The following LMO7 variants were observed in gnomAD, a reference collection of about 807,000 sequenced individuals.
LMO7 encodes the protein LIM domain only protein 7.
LMO7 carries 120 observed loss-of-function variants against 206.5 expected under a neutral mutation model. The ratio of observed to expected loss-of-function variants is 0.58; its 90% CI spans 0.50 to 0.68. The LOEUF (loss-of-function observed/expected upper bound fraction) is 0.68. Ranked by LOEUF, LMO7 falls within the 30% of genes least tolerant of loss-of-function variation. The pLI is 0.00. For synonymous variants in LMO7, 706 were observed against 681.5 expected (o/e 1.04, Z -0.56); for missense variants, 1,959 against 1,957.9 (o/e 1.00, Z -0.01).
At chr13:75,774,289 T>C (rs2050107102) in intron 4 of LMO7, among the ~76,000 whole-genome samples, 1 of 152,134 alleles carries the variant, frequency 6.6e-6, no homozygotes, top group Non-Finnish European at 1.5e-5. Context: ...GAATATCATA[T>C]AAGAGGAGCA....
At position 75,800,876 on chromosome 13, in the gene LMO7, C is replaced by T. The variant is rs775510856; in HGVS notation, c.655C>T (p.Arg219Cys). Residue 219 changes from arginine to cysteine, a missense_variant, in exon 7 of 31, where the codon CGT becomes TGT. Arg to Cys is a radical substitution (Grantham distance 180). Transcript: ENST00000377534. The part of the protein sequence containing the change: ...CSSDITLRGG[R>C]EGFESDTDSE... Reference sequence around the variant, plus strand: ...CTCTGATATCACGTTGAGAGGGGGGCGTGAAGGTGTGTTGTGTTTTGGCTG... The same window carrying T: ...CTCTGATATCACGTTGAGAGGGGGGTGTGAAGGTGTGTTGTGTTTTGGCTG... The T allele has an allele frequency of 4.2e-5, 67 of 1,613,096 alleles. No individual in the cohort carries two copies. The highest frequency in any genetic ancestry group is 1.5e-4 in the Admixed American group (9 of 59,954).
chr13:75,678,191 A>G (rs1285669075), intron 1 of LMO7, among the ~76,000 whole-genome samples: 1 of 152,106 alleles, frequency 6.6e-6, no homozygotes, highest in Non-Finnish European at 1.5e-5. Context: ...TGATATTTCT[A>G]GTTCTAGATC....
chr13:75,755,084 G>C (rs2047574356), intron 3 of LMO7, among the ~76,000 whole-genome samples: 1 of 152,080 alleles, frequency 6.6e-6, no homozygotes, highest in African/African-American at 2.4e-5. Context: ...AAGGGTCAGG[G>C]GAGTGGTAGC....
At chr13:75,679,537 G>A (rs186452328) in intron 1 of LMO7, among the ~76,000 whole-genome samples, 1 of 152,258 alleles carries the variant, frequency 6.6e-6, no homozygotes, top group Non-Finnish European at 1.5e-5. Flanking sequence ...CAGATTCCTG[G>A]CTCCTACCCT....
rs115818022 is a variant in LMO7, at chr13:75,719,366, C to T, written c.140+6114C>T. 6.2e-3 allele frequency among the ~76,000 whole-genome samples: 945 copies of T among 152,246 alleles called. 12 individuals carry two copies. Among genetic ancestry groups the T allele is most frequent in the African/African-American group, 0.02 (851 of 41,536 alleles). ...TTCATTCATCAAATGAAGGCCATCT[C>T]GGTTGCTTCTCAGTTATGGCAATTA... On this transcript the variant is annotated intron_variant, in intron 2 of 30. Transcript: ENST00000377534.
At chr13:75,751,149 C>CTTTTTTTTTTTTTTTT (rs57976279) in intron 3 of LMO7, among the ~76,000 whole-genome samples, 2 of 60,390 alleles carry the variant, frequency 3.3e-5, no homozygotes, top group African/African-American at 1.3e-4. Flanking sequence ...TTTTTCAGCT[C>CTTTTTTTTTTTTTTTT]TTTTTTTTTT....
In LMO7 at chr13:75,811,212, T is replaced by C. The variant is rs571643230; in HGVS notation, c.1946+2029T>C. On this transcript the variant is annotated intron_variant, in intron 11 of 30. Transcript: ENST00000377534. ...TTTCTTTCTTTTTTTCTTTCTCTTT[T>C]TTTTTTTTTTTTTTAAGAGATGGAG... Among the ~76,000 whole-genome samples, 67 of 149,322 alleles carry C rather than the reference T, an allele frequency of 4.5e-4. 1 individual carries two copies. In the South Asian group the frequency reaches 0.012, roughly 27 times the overall value.
In LMO7 at chr13:75,807,904, G is replaced by A; in HGVS notation, c.1621G>A (p.Val541Ile). ...TGGGGCCCCAGATAGATACCACCCAGTCCCTTTTCCCGAACCCTGGACTCT... is the reference window on the plus strand; with the variant it reads ...TGGGGCCCCAGATAGATACCACCCAATCCCTTTTCCCGAACCCTGGACTCT... ...LSGAPDRYHP[V>I]PFPEPWTLPP... is the part of the protein sequence containing the mutation. The change falls in exon 10 of 31, where the codon GTC (valine) becomes ATC (isoleucine). Residue 541 changes from valine (V) to isoleucine (I), a missense_variant. Val to Ile is a conservative substitution (Grantham distance 29). Transcript: ENST00000377534. 5 of 1,613,926 alleles carry A rather than the reference G, an allele frequency of 3.1e-6. No individual in the cohort carries two copies. The highest frequency in any genetic ancestry group is 4.2e-6 in the Non-Finnish European group (5 of 1,179,872).
intron 1 of LMO7, among the ~76,000 whole-genome samples, chr13:75,665,668 A>G (rs2039014988): frequency 1.3e-5 from 2 of 152,120 alleles, no homozygotes; most frequent in African/African-American, 4.8e-5. Context: ...CTGGGATTAC[A>G]GGCATCTGCC....
At position 75,796,732 on chromosome 13, in the gene LMO7, G is replaced by A. The variant is rs189733125; in HGVS notation, c.445G>A (p.Gly149Arg). ...TTTGAAAGCGTTTGAGAATCTTTTA[G>A]GACAAGCACTGACGAAGGTAAGTAA... ...LNLKAFENLL[G>R]QALTKALEDS... is the part of the protein sequence containing the mutation. The change falls in exon 6 of 31, where the codon GGA (glycine) becomes AGA (arginine). Residue 149 changes from glycine (G) to arginine (R), a missense_variant. Physicochemically the swap from Gly to Arg is moderately radical, Grantham distance 125 (BLOSUM62 -2). Coordinates refer to ENST00000377534, the MANE Select transcript of LMO7 (RefSeq NM_001306080.2). The A allele has an allele frequency of 2.5e-6, 4 of 1,607,258 alleles. No individual in the cohort carries two copies. In the Admixed American group the frequency reaches 6.7e-5, roughly 27 times the overall value.
chr13:75,816,118 G>A lies in LMO7; in HGVS notation c.1947-1043G>A, dbSNP rs571116837. On this transcript the variant is annotated intron_variant, in intron 11 of 30. Coordinates refer to ENST00000377534, the MANE Select transcript of LMO7 (RefSeq NM_001306080.2). ...ACTGGTTCCTTAATTATGGCACTGGGAATAGTTTAGAAATTACAATTCCAT... is the reference window on the plus strand; with the variant it reads ...ACTGGTTCCTTAATTATGGCACTGGAAATAGTTTAGAAATTACAATTCCAT... 7.2e-5 allele frequency among the ~76,000 whole-genome samples: 11 copies of A among 152,312 alleles called. No individual in the cohort carries two copies. The South Asian group carries it at 2.3e-3, about 32-fold the overall frequency.
intron 4 of LMO7, among the ~76,000 whole-genome samples, chr13:75,774,552 T>A (rs898555841): frequency 2.0e-5 from 3 of 152,180 alleles, no homozygotes; most frequent in Non-Finnish European, 4.4e-5. Context: ...ATTTAGTCAT[T>A]CTACTTAGTG....
At position 75,823,593 on chromosome 13, in the gene LMO7, A is replaced by T. The variant is rs1305021734; in HGVS notation, c.2669A>T (p.Asp890Val). 3 of 1,613,530 alleles carry T rather than the reference A, an allele frequency of 1.9e-6. No individual in the cohort carries two copies. The highest frequency in any genetic ancestry group is 2.5e-6 in the Non-Finnish European group (3 of 1,179,466). ...GATGATGCTTGGAAGTATAATGGAG[A>T]TGTTGAAGACATTAAGAGAACTCCA... is the stretch of plus-strand genomic sequence containing the variant. ...TMDDAWKYNGDVEDIKRTPNN... is the reference protein window; with the variant it reads ...TMDDAWKYNGVVEDIKRTPNN... The change falls in exon 15 of 31, where the codon GAT becomes GTT. Residue 890 changes from aspartate to valine, a missense_variant. By Grantham distance (152) the Asp-to-Val change is radical (BLOSUM62 -3). Coordinates refer to ENST00000377534, the MANE Select transcript of LMO7 (RefSeq NM_001306080.2).
intron 7 of LMO7, 93 bp from the exon 8 acceptor site, chr13:75,804,196 T>G (rs1595136885): frequency 1.5e-6 from 2 of 1,314,502 alleles, no homozygotes. Context: ...CAGCACTGGG[T>G]TTCTAAGGGA....
At chr13:75,841,290 C>T in intron 23 of LMO7, 89 bp downstream of exon 23, 1 of 792,650 alleles carries the variant, frequency 1.3e-6, no homozygotes, top group Middle Eastern at 2.4e-4. Context: ...CATTTTTCTC[C>T]ACCTTTGACC....
chr13:75,812,223 G>A (rs1200294762), intron 11 of LMO7, among the ~76,000 whole-genome samples: 6 of 152,190 alleles, frequency 3.9e-5, no homozygotes, highest in African/African-American at 1.4e-4. Flanking sequence ...AATGTCAGCA[G>A]TGGTGCTACT....
intron 1 of LMO7, among the ~76,000 whole-genome samples, chr13:75,687,885 G>A (rs1241438804): frequency 2.6e-5 from 4 of 152,154 alleles, no homozygotes; most frequent in African/African-American, 9.7e-5. Context: ...ATCTTGAATT[G>A]TAGCTCCCAT....
At chr13:75,713,368 C>T in intron 2 of LMO7, 116 bp downstream of exon 2, 1 of 629,462 alleles carries the variant, frequency 1.6e-6, no homozygotes, top group Non-Finnish European at 2.7e-6. Context: ...TGTTCTTGGT[C>T]ACAGGTGAGA....
chr13:75,829,485 T>C (rs1482867636), intron 15 of LMO7, among the ~76,000 whole-genome samples: 1 of 152,134 alleles, frequency 6.6e-6, no homozygotes, highest in East Asian at 1.9e-4. Flanking sequence ...TCACTTCATT[T>C]TCTCATTCCA....
Sources: gnomAD v4.1 joint callset for allele counts (sites outside exome capture counted in the v4.1 genomes callset) on GRCh38, gnomAD v4.1.1 for gene constraint, MANE v1.5 for transcripts, NCBI Gene and HGNC (gene_info 2026-07-23, HGNC 2026-07-21) for gene names.